Variants in IGSF21 observed in about 807,000 individuals in gnomAD.
The protein encoded by IGSF21 is immunoglobin superfamily member 21.
In IGSF21, 28 loss-of-function variants were observed where a neutral mutation model predicts 46.8. The ratio of observed to expected loss-of-function variants is 0.60; its 90% CI spans 0.44 to 0.82. The LOEUF is 0.82. Ranked by LOEUF, IGSF21 falls within the 40% of genes least tolerant of loss-of-function variation. IGSF21 has a pLI of 0.00. For missense variants in IGSF21, 624 were observed against 665.5 expected, an observed-to-expected ratio of 0.94 and a Z score of 0.69; for synonymous variants, 284 against 273.6, an observed-to-expected ratio of 1.04 and a Z score of -0.38.
At chr1:18,301,886 T>C (rs910113156) in intron 3 of IGSF21, among the ~76,000 whole-genome samples, 3 of 152,208 alleles carry the variant, frequency 2.0e-5, no homozygotes, top group Non-Finnish European at 4.4e-5. Context: ...CTCTTGGCTC[T>C]GGGAGAGGGA....
intron 2 of IGSF21, among the ~76,000 whole-genome samples, chr1:18,288,158 C>T (rs185901168): frequency 1.3e-5 from 2 of 152,280 alleles, no homozygotes; most frequent in Non-Finnish European, 2.9e-5. Flanking sequence ...AAATTAGGAA[C>T]CGAAATCAAA....
chr1:18,135,784 G>A (rs2086362932), intron 1 of IGSF21, among the ~76,000 whole-genome samples: 1 of 152,114 alleles, frequency 6.6e-6, no homozygotes, highest in African/African-American at 2.4e-5. Flanking sequence ...CCCAGTAATG[G>A]GATGGCTGGG....
chr1:18,359,319 A>G (rs1333867532), intron 4 of IGSF21, among the ~76,000 whole-genome samples: 1 of 146,622 alleles, frequency 6.8e-6, no homozygotes, highest in Non-Finnish European at 1.5e-5. Context: ...AAAGAAAGAG[A>G]GAGAGAGAAA....
At chr1:18,356,413 T>A (rs1170055434) in intron 4 of IGSF21, among the ~76,000 whole-genome samples, 1 of 151,276 alleles carries the variant, frequency 6.6e-6, no homozygotes, top group East Asian at 2.0e-4. Context: ...AACAGAAGAG[T>A]GGGAGGGAGA....
At chr1:18,165,881 T>C (rs556512931) in intron 1 of IGSF21, among the ~76,000 whole-genome samples, 20 of 152,324 alleles carry the variant, frequency 1.3e-4, no homozygotes, top group Non-Finnish European at 2.2e-4. Flanking sequence ...CTTCCTTTGT[T>C]CTCTTCTGCT....
intron 3 of IGSF21, among the ~76,000 whole-genome samples, chr1:18,308,845 G>T (rs139149668): frequency 6.6e-6 from 1 of 152,144 alleles, no homozygotes; most frequent in Non-Finnish European, 1.5e-5. Flanking sequence ...TATGCAGCCT[G>T]CAGAAGAGAC....
intron 3 of IGSF21, among the ~76,000 whole-genome samples, chr1:18,333,778 T>C (rs2085738026): frequency 6.6e-6 from 1 of 152,222 alleles, no homozygotes; most frequent in African/African-American, 2.4e-5. Flanking sequence ...ATAGATGCTA[T>C]GGAAAGATCC....
Position 18,376,892 on chromosome 1 carries a change from G to A in IGSF21, c.1194G>A (p.Val398=). Reference sequence around the variant, plus strand: ...CTGAGTTCGACGGGAAGGAGCTGGTGCTGGAGCGGGTTCCCGCCGAGCTCA... The same window carrying A: ...CTGAGTTCGACGGGAAGGAGCTGGTACTGGAGCGGGTTCCCGCCGAGCTCA... ...GSAEFDGKEL[V]LERVPAELNG... The change falls in exon 8 of 10, where the codon GTG becomes GTA. Residue 398 remains valine, a synonymous_variant. Coordinates refer to ENST00000251296, the MANE Select transcript of IGSF21 (RefSeq NM_032880.5). 1 of 1,613,004 alleles carries A rather than the reference G, an allele frequency of 6.2e-7. No homozygotes were observed. Among genetic ancestry groups the A allele is most frequent in the Non-Finnish European group, 8.5e-7 (1 of 1,179,086 alleles).
intron 2 of IGSF21, among the ~76,000 whole-genome samples, chr1:18,237,369 G>T (rs1371360451): frequency 6.6e-6 from 1 of 152,126 alleles, no homozygotes; most frequent in Admixed American, 6.5e-5. Flanking sequence ...CGAGGGGAGC[G>T]CTTCCCGTCC....
chr1:18,247,225 G>A (rs2084793919), intron 2 of IGSF21, among the ~76,000 whole-genome samples: 2 of 152,058 alleles, frequency 1.3e-5, no homozygotes, highest in African/African-American at 4.8e-5. Context: ...CCACTTCACA[G>A]GGGCTGCCAG....
rs546663114 is a variant in IGSF21 at position 18,249,646 on chromosome 1, C to G, written c.183+21636C>G. 1.9e-4 allele frequency among the ~76,000 whole-genome samples: 29 copies of G among 152,314 alleles called. No homozygotes were observed. In the South Asian group the frequency reaches 3.7e-3, roughly 20 times the overall value. ...CTCTCACCCCGCTGTGCCTATAAAT[C>G]TCTCTGGTTGGGGCCAGAGGAATGG... On this transcript the variant is annotated intron_variant, in intron 2 of 9. Coordinates refer to ENST00000251296, the MANE Select transcript of IGSF21 (RefSeq NM_032880.5).
chr1:18,213,228 A>C (rs191559466), intron 1 of IGSF21, among the ~76,000 whole-genome samples: 1 of 152,106 alleles, frequency 6.6e-6, no homozygotes, highest in Non-Finnish European at 1.5e-5. Context: ...TCATTCATTC[A>C]CTTTTTTTCC....
chr1:18,176,197 A>T (rs1436124244), intron 1 of IGSF21: 1 of 152,162 alleles, frequency 6.6e-6, no homozygotes, highest in African/African-American at 2.4e-5. Flanking sequence ...AACAAGAAGG[A>T]TTTTCAAGGC....
chr1:18,239,217 A>T (rs2084701668), intron 2 of IGSF21, among the ~76,000 whole-genome samples: 2 of 152,112 alleles, frequency 1.3e-5, no homozygotes, highest in African/African-American at 4.8e-5. Context: ...TCGGAAAAGG[A>T]TTAAAGGTGA....
chr1:18,248,742 C>T (rs1453140075), intron 2 of IGSF21, among the ~76,000 whole-genome samples: 2 of 152,130 alleles, frequency 1.3e-5, no homozygotes, highest in African/African-American at 2.4e-5. Flanking sequence ...TACCGGGCCC[C>T]TACAGGGGTG....
intron 1 of IGSF21, among the ~76,000 whole-genome samples, chr1:18,160,856 G>T (rs1232342326): frequency 6.6e-6 from 1 of 152,164 alleles, no homozygotes; most frequent in African/African-American, 2.4e-5. Flanking sequence ...ACCAATGTGG[G>T]CTCTGACGGT....
intron 1 of IGSF21, among the ~76,000 whole-genome samples, chr1:18,206,417 T>C: frequency 6.6e-6 from 1 of 151,794 alleles, no homozygotes; most frequent in South Asian, 2.1e-4. Context: ...GGTGTGGTGG[T>C]GCATGCCTGT....
chr1:18,157,568 A>G (rs1435531925), intron 1 of IGSF21, among the ~76,000 whole-genome samples: 1 of 152,036 alleles, frequency 6.6e-6, no homozygotes, highest in East Asian at 1.9e-4. Context: ...TCCTGTTCTC[A>G]ACGTGTCCGC....
chr1:18,376,336 A>G lies in IGSF21; in HGVS notation c.1042A>G (p.Met348Val). ...LVAPKGPKIV[M>V]TPSRARVGDT... ...TGCCCCCAAAGGACCCAAAATTGTG[A>G]TGACGCCCAGCAGAGCCCGGGTAGG... is the stretch of plus-strand genomic sequence containing the variant. Residue 348 changes from methionine to valine, a missense_variant, in exon 7 of 10, where the codon ATG (methionine) becomes GTG (valine). Coordinates refer to ENST00000251296, the MANE Select transcript of IGSF21 (RefSeq NM_032880.5). The G allele has an allele frequency of 3.1e-6, 5 of 1,613,902 alleles. No homozygotes were observed. The highest frequency in any genetic ancestry group is 4.2e-6 in the Non-Finnish European group (5 of 1,179,910).
Sources: gnomAD v4.1 joint callset for allele counts (sites outside exome capture counted in the v4.1 genomes callset) on GRCh38, gnomAD v4.1.1 for gene constraint, MANE v1.5 for transcripts, NCBI Gene and HGNC (gene_info 2026-07-23, HGNC 2026-07-21) for gene names.